The following MCPH1 variants were observed in gnomAD, a reference collection of about 807,000 sequenced individuals.
MCPH1 encodes microcephalin.
MCPH1 carries 104 observed loss-of-function variants against 84.5 expected under a neutral mutation model. The ratio of observed to expected loss-of-function variants is 1.23; its 90% CI spans 1.05 to 1.45. The LOEUF (loss-of-function observed/expected upper bound fraction) is 1.45. Among genes scored for constraint, MCPH1 ranks in the 40% most tolerant of loss-of-function variants. The pLI is 0.00. For missense variants in MCPH1, 1,498 were observed against 1,005.7 expected (o/e 1.49, Z -6.62); for synonymous variants, 514 against 366.8 (o/e 1.40, Z -4.58).
intron 11 of MCPH1, among the ~76,000 whole-genome samples, chr8:6,485,882 G>A (rs553488375): frequency 2.0e-5 from 3 of 152,168 alleles, no homozygotes; most frequent in East Asian, 1.9e-4. Context: ...GATGACTCTC[G>A]CTGGCACAAC....
At chr8:6,427,650 G>C (rs1585689769) in intron 3 of MCPH1, among the ~76,000 whole-genome samples, 1 of 152,028 alleles carries the variant, frequency 6.6e-6, no homozygotes, top group African/African-American at 2.4e-5. Context: ...AAAATGTTGG[G>C]ATTACACATG....
Position 6,535,648 on chromosome 8 carries a change from G to T in MCPH1, c.2214+35719G>T, listed in dbSNP as rs560201155. 3.3e-5 allele frequency among the ~76,000 whole-genome samples: 5 copies of T among 152,098 alleles called. No homozygotes were observed. In the South Asian group the frequency reaches 6.2e-4, roughly 19 times the overall value. ...TGAAGCATGTATCATTTAAATAAAA[G>T]AAAATTCTGTGTGATACTGACTGCA... On this transcript the variant is annotated intron_variant, in intron 12 of 13. Transcript: ENST00000344683.
At chr8:6,516,902 C>T (rs766528879) in intron 12 of MCPH1, among the ~76,000 whole-genome samples, 1 of 152,166 alleles carries the variant, frequency 6.6e-6, no homozygotes, top group Non-Finnish European at 1.5e-5. Context: ...CTGAGAGTCA[C>T]TGCCAGCACA....
intron 8 of MCPH1, among the ~76,000 whole-genome samples, chr8:6,450,665 C>A (rs1297395707): frequency 2.0e-5 from 3 of 151,934 alleles, no homozygotes; most frequent in African/African-American, 7.3e-5. Flanking sequence ...TCACCGATAA[C>A]CACTCATTTT....
At chr8:6,593,963 AGGCT>A (rs904314465) in intron 12 of MCPH1, among the ~76,000 whole-genome samples, 1 of 152,214 alleles carries the variant, frequency 6.6e-6, no homozygotes, top group African/African-American at 2.4e-5. Flanking sequence ...CATGGATAGA[AGGCT>A]GGTGGTGAGC....
chr8:6,600,920 C>G (rs1367243469), intron 12 of MCPH1, among the ~76,000 whole-genome samples: 2 of 152,180 alleles, frequency 1.3e-5, no homozygotes, highest in East Asian at 1.9e-4. Flanking sequence ...TGGTACTTAA[C>G]ACACTTCCAT....
rs1244718786 is a variant in MCPH1, at chr8:6,419,171, ACACACACACACACACACG to A, written c.233+4291_233+4308del. On this transcript the variant is annotated intron_variant, in intron 3 of 13. Transcript: ENST00000344683. Reference sequence around the variant, plus strand: ...CACACAGACACACACACACACACACACACACACACACACACACGCATTTTTACCCCAAATACTTATTTG... The same window carrying A: ...CACACAGACACACACACACACACACACATTTTTACCCCAAATACTTATTTG... Among the ~76,000 whole-genome samples the A allele has an allele frequency of 6.9e-4, 26 of 37,546 alleles. 1 individual carries two copies. Among genetic ancestry groups the A allele is most frequent in the Middle Eastern group, 0.022 (2 of 90 alleles). 24.6% of individuals were successfully genotyped at this position (37,546 alleles called of 152,430 possible). A position where few individuals can be genotyped will look rare whatever the true frequency, so the allele number is the denominator to read the frequency against.
intron 12 of MCPH1, among the ~76,000 whole-genome samples, chr8:6,535,271 C>T (rs1447024351): frequency 6.6e-6 from 1 of 152,152 alleles, no homozygotes; most frequent in Non-Finnish European, 1.5e-5. Flanking sequence ...GTGTTTGCAA[C>T]TCTCCAGAGA....
chr8:6,619,075 G>A (rs1490993946), intron 12 of MCPH1: 1 of 152,220 alleles, frequency 6.6e-6, no homozygotes, highest in Non-Finnish European at 1.5e-5. Flanking sequence ...GAGGCCAGCT[G>A]TGCCATGCTT....
chr8:6,425,457 G>A (rs1800915808), intron 3 of MCPH1, among the ~76,000 whole-genome samples: 1 of 152,168 alleles, frequency 6.6e-6, no homozygotes. Context: ...ATAGCTGTTG[G>A]CATGCAGAAC....
chr8:6,495,919 G>A (rs1412013883), intron 11 of MCPH1, among the ~76,000 whole-genome samples: 5 of 152,184 alleles, frequency 3.3e-5, no homozygotes, highest in Non-Finnish European at 7.3e-5. Flanking sequence ...TAATTAATCA[G>A]TGATATTTTA....
At chr8:6,536,985 A>AT (rs1232992983) in intron 12 of MCPH1, among the ~76,000 whole-genome samples, 1 of 151,714 alleles carries the variant, frequency 6.6e-6, no homozygotes, top group Non-Finnish European at 1.5e-5. Flanking sequence ...AAAAAAAAAA[A>AT]AAAAACCAAC....
intron 11 of MCPH1, among the ~76,000 whole-genome samples, chr8:6,484,307 A>G (rs749340157): frequency 4.3e-4 from 66 of 152,258 alleles, no homozygotes; most frequent in Non-Finnish European, 7.2e-4. Flanking sequence ...ATCTAAAAAG[A>G]TGCTCATCAT....
intron 13 of MCPH1, among the ~76,000 whole-genome samples, chr8:6,634,435 C>CAG (rs1797390986): frequency 2.0e-5 from 3 of 152,192 alleles, no homozygotes; most frequent in African/African-American, 7.2e-5. Flanking sequence ...CAGAAAGATG[C>CAG]TGACTACAGC....
chr8:6,516,386 A>T (rs966306847), intron 12 of MCPH1, among the ~76,000 whole-genome samples: 2 of 152,124 alleles, frequency 1.3e-5, no homozygotes, highest in African/African-American at 4.8e-5. Flanking sequence ...TTGATCAGTT[A>T]CTCACCTTCT....
At chr8:6,410,221 A>T (rs1469876119) in intron 2 of MCPH1, among the ~76,000 whole-genome samples, 1 of 151,710 alleles carries the variant, frequency 6.6e-6, no homozygotes, top group East Asian at 1.9e-4. Context: ...TGATCCGCCC[A>T]CCTCGGCCTC....
intron 8 of MCPH1, chr8:6,447,177 T>C (rs565293323): frequency 1.0e-6 from 1 of 985,418 alleles, no homozygotes; most frequent in East Asian, 1.1e-4. Flanking sequence ...CCTTTTATAG[T>C]AATAAAGATT....
intron 6 of MCPH1, among the ~76,000 whole-genome samples, chr8:6,440,796 G>A (rs1803392701): frequency 6.6e-6 from 1 of 152,100 alleles, no homozygotes; most frequent in Non-Finnish European, 1.5e-5. Flanking sequence ...TATGTCCTTT[G>A]TCCATATGTA....
At position 6,409,346 on chromosome 8, in the gene MCPH1, A is replaced by G. The variant is rs139678787; in HGVS notation, c.90A>G (p.Thr30=). The change falls in exon 2 of 14, where the codon ACA becomes ACG. Residue 30 remains threonine, a synonymous_variant. Coordinates refer to ENST00000344683, the MANE Select transcript of MCPH1 (RefSeq NM_024596.5). ...AAAATTATTCAAAGACATTTACAAC[A>G]CAGCTTGTGGATATGGGGGCAAAGG... ...GTENYSKTFT[T]QLVDMGAKVS... 148 of 1,613,876 alleles carry G rather than the reference A, an allele frequency of 9.2e-5. 3 individuals carry two copies. In the African/African-American group the frequency reaches 1.8e-3, roughly 19 times the overall value.
Sources: gnomAD v4.1 joint callset for allele counts (sites outside exome capture counted in the v4.1 genomes callset) on GRCh38, gnomAD v4.1.1 for gene constraint, MANE v1.5 for transcripts, NCBI Gene and HGNC (gene_info 2026-07-23, HGNC 2026-07-21) for gene names.